The following THSD7B variants were observed in gnomAD, a reference collection of about 807,000 sequenced individuals.
THSD7B encodes the protein thrombospondin type 1 domain containing 7B, also known as thrombospondin type-1 domain-containing protein 7B.
THSD7B carries 138 observed loss-of-function variants against 213.6 expected under a neutral mutation model. The observed-to-expected ratio is 0.65, with a 90% CI of 0.56 to 0.74. The LOEUF (loss-of-function observed/expected upper bound fraction) is 0.74, where lower values mean the gene tolerates loss of function less well. Ranked by LOEUF, THSD7B falls within the 30% of genes least tolerant of loss-of-function variation. The probability of loss-of-function intolerance (pLI) is 0.00; values close to 1 mark genes in which losing one functional copy is unlikely to be tolerated. For missense variants in THSD7B, 1,931 were observed against 1,991.5 expected, an observed-to-expected ratio of 0.97 and a Z score of 0.58; for synonymous variants, 742 against 687.0, an observed-to-expected ratio of 1.08 and a Z score of -1.25.
chr2:137,044,330 T>A (rs1686932267), intron 2 of THSD7B, among the ~76,000 whole-genome samples: 1 of 152,180 alleles, frequency 6.6e-6, no homozygotes, highest in Non-Finnish European at 1.5e-5. Context: ...ATTAGTCTCT[T>A]TGTAAGGCTG....
intron 18 of THSD7B, among the ~76,000 whole-genome samples, chr2:137,616,819 T>C (rs1465311078): frequency 6.6e-6 from 1 of 152,196 alleles, no homozygotes; most frequent in Non-Finnish European, 1.5e-5. Context: ...GTTCAGCCGC[T>C]GCTCAGTAAT....
chr2:136,837,985 G>A (rs1476148273), intron 1 of THSD7B, among the ~76,000 whole-genome samples: 1 of 152,088 alleles, frequency 6.6e-6, no homozygotes, highest in African/African-American at 2.4e-5. Flanking sequence ...TGTGATTTTT[G>A]GACAATTTGC....
chr2:136,859,777 T>G (rs1683231291), intron 1 of THSD7B, among the ~76,000 whole-genome samples: 1 of 152,168 alleles, frequency 6.6e-6, no homozygotes, highest in South Asian at 2.1e-4. Flanking sequence ...AGAAGTAGTA[T>G]AGCCCCAAAA....
chr2:137,032,763 GTCATTTAA>G (rs1686698788), intron 2 of THSD7B, among the ~76,000 whole-genome samples: 1 of 152,132 alleles, frequency 6.6e-6, no homozygotes, highest in South Asian at 2.1e-4. Flanking sequence ...GTGCATTGGA[GTCATTTAA>G]TCATTTATAA....
chr2:137,098,159 A>T (rs543047887), intron 4 of THSD7B, among the ~76,000 whole-genome samples: 2 of 152,366 alleles, frequency 1.3e-5, no homozygotes, highest in South Asian at 2.1e-4. Context: ...ATGTGCATCA[A>T]GCAAGTTAAT....
chr2:137,449,095 T>A (rs565403113), intron 14 of THSD7B, among the ~76,000 whole-genome samples: 1 of 152,060 alleles, frequency 6.6e-6, no homozygotes, highest in African/African-American at 2.4e-5. Flanking sequence ...AATGATCTTT[T>A]TTCCCCCCCT....
chr2:137,210,710 C>T lies in THSD7B; in HGVS notation c.1724-20334C>T, dbSNP rs547745614. On this transcript the variant is annotated intron_variant, in intron 7 of 27. Transcript: ENST00000409968. ...GATGAGAGGAGTATCGAAGACTGCA[C>T]CAATAAACATTAATTTCTTCTGAGA... 7.9e-5 allele frequency among the ~76,000 whole-genome samples: 12 copies of T among 151,992 alleles called. No individual in the cohort carries two copies. In the South Asian group the frequency reaches 2.5e-3, roughly 31 times the overall value.
At chr2:137,135,142 A>C (rs1679413191) in intron 5 of THSD7B, among the ~76,000 whole-genome samples, 1 of 152,162 alleles carries the variant, frequency 6.6e-6, no homozygotes, top group Middle Eastern at 3.2e-3. Context: ...TTAACTCTTA[A>C]ATTATTATTG....
intron 1 of THSD7B, among the ~76,000 whole-genome samples, chr2:136,849,848 A>C (rs117426065): frequency 6.6e-6 from 1 of 152,260 alleles, no homozygotes; most frequent in East Asian, 1.9e-4. Flanking sequence ...CCTAGGCATA[A>C]ACCACCTAGC....
intron 15 of THSD7B, among the ~76,000 whole-genome samples, chr2:137,456,179 GAGGTATTCTA>G (rs1254931507): frequency 1.3e-5 from 2 of 152,186 alleles, no homozygotes; most frequent in Non-Finnish European, 2.9e-5. Context: ...TCCCCAAAGA[GAGGTATTCTA>G]AATTTGGAAA....
intron 5 of THSD7B, among the ~76,000 whole-genome samples, chr2:137,124,263 A>T (rs1469019149): frequency 6.6e-6 from 1 of 152,130 alleles, no homozygotes; most frequent in East Asian, 1.9e-4. Context: ...TGGCAGTGCA[A>T]TTTCTGAAAC....
Position 137,399,213 on chromosome 2 carries a change from A to T in THSD7B, c.2501-6400A>T, listed in dbSNP as rs200267616. ...CCCACCCCTTTTTTTTTTTTTTTAA[A>T]CACAAGTCTTGCTCTGTTTCCCAGG... On this transcript the variant is annotated intron_variant, in intron 12 of 27. Transcript: ENST00000409968. Among the ~76,000 whole-genome samples the T allele has an allele frequency of 4.4e-3, 104 of 23,620 alleles. 1 individual carries two copies. Among genetic ancestry groups the T allele is most frequent in the Non-Finnish European group, 0.012 (78 of 6,668 alleles). The allele number at this position is 23,620 out of a possible 152,430, so 15.5% of individuals were successfully genotyped here. A position where few individuals can be genotyped will look rare whatever the true frequency, so the allele number is the denominator to read the frequency against.
intron 17 of THSD7B, among the ~76,000 whole-genome samples, chr2:137,586,383 G>T (rs1466457718): frequency 6.6e-6 from 1 of 152,148 alleles, no homozygotes; most frequent in Non-Finnish European, 1.5e-5. Flanking sequence ...TCATTATGAT[G>T]CTAGCTGGTT....
At chr2:137,341,852 A>G (rs976810096) in intron 12 of THSD7B, among the ~76,000 whole-genome samples, 5 of 151,656 alleles carry the variant, frequency 3.3e-5, no homozygotes, top group Non-Finnish European at 7.4e-5. Flanking sequence ...TGCCAGAAGC[A>G]TTCTGTTTTA....
intron 1 of THSD7B, among the ~76,000 whole-genome samples, chr2:136,797,367 T>C (rs959429550): frequency 5.3e-5 from 8 of 151,988 alleles, no homozygotes; most frequent in Non-Finnish European, 1.2e-4. Context: ...ATGTTTTGAA[T>C]GAATGGACTT....
At chr2:137,374,874 C>T (rs1470981667) in intron 12 of THSD7B, among the ~76,000 whole-genome samples, 1 of 152,200 alleles carries the variant, frequency 6.6e-6, no homozygotes. Context: ...ATGAGCCTAG[C>T]GAGTGGGTCA....
At chr2:136,922,914 A>ATT (rs1684458504) in intron 2 of THSD7B, among the ~76,000 whole-genome samples, 1 of 152,026 alleles carries the variant, frequency 6.6e-6, no homozygotes, top group Non-Finnish European at 1.5e-5. Context: ...GTGAATTTGG[A>ATT]TATGTAGTTA....
At chr2:136,866,970 TCATAA>T (rs2104977539) in intron 1 of THSD7B, among the ~76,000 whole-genome samples, 2 of 152,130 alleles carry the variant, frequency 1.3e-5, no homozygotes, top group African/African-American at 4.8e-5. Flanking sequence ...TTGTATTATA[TCATAA>T]TCTACTACTG....
At chr2:137,379,256 T>G (rs1270408648) in intron 12 of THSD7B, among the ~76,000 whole-genome samples, 1 of 152,226 alleles carries the variant, frequency 6.6e-6, no homozygotes, top group Non-Finnish European at 1.5e-5. Flanking sequence ...AGAATATGTT[T>G]CCAACATGCA....
Sources: gnomAD v4.1 joint callset for allele counts (sites outside exome capture counted in the v4.1 genomes callset) on GRCh38, gnomAD v4.1.1 for gene constraint, MANE v1.5 for transcripts, NCBI Gene and HGNC (gene_info 2026-07-23, HGNC 2026-07-21) for gene names.